STARD13: variants seen among roughly 807,000 people sequenced by gnomAD.
STARD13 encodes the protein stAR-related lipid transfer protein 13.
In STARD13, 62 loss-of-function variants were observed where a neutral mutation model predicts 106.4. The ratio of observed to expected loss-of-function variants is 0.58; its 90% CI spans 0.48 to 0.72. The LOEUF (loss-of-function observed/expected upper bound fraction) is 0.72. STARD13 is among the 30% of genes least tolerant of loss of function. The pLI is 0.00. For synonymous variants in STARD13, 565 were observed against 553.0 expected (o/e 1.02, Z -0.31); for missense variants, 1,387 against 1,424.0 (o/e 0.97, Z 0.42).
chr13:33,614,358 G>A, the STARD13 span, among the ~76,000 whole-genome samples: 1 of 149,954 alleles, frequency 6.7e-6, no homozygotes, highest in Non-Finnish European at 1.5e-5. Flanking sequence ...GCCAAATATT[G>A]CTATGTAAAA....
At chr13:33,381,804 G>A in the STARD13 span, among the ~76,000 whole-genome samples, 2 of 152,108 alleles carry the variant, frequency 1.3e-5, no homozygotes, top group Non-Finnish European at 2.9e-5. Flanking sequence ...ATATATTAAG[G>A]ATCTGCTTCT....
chr13:33,481,459 A>T, the STARD13 span, among the ~76,000 whole-genome samples: 1 of 152,236 alleles, frequency 6.6e-6, no homozygotes, highest in Non-Finnish European at 1.5e-5. Flanking sequence ...GTGCTTTTAG[A>T]TGCAACTATC....
chr13:33,123,856 C>T (rs935901987), intron 7 of STARD13, among the ~76,000 whole-genome samples: 3 of 152,194 alleles, frequency 2.0e-5, no homozygotes, highest in African/African-American at 7.2e-5. Context: ...GAAGCCTTCT[C>T]CCTGAGACTC....
intron 1 of STARD13, among the ~76,000 whole-genome samples, chr13:33,181,827 T>A (rs1885264042): frequency 2.6e-5 from 4 of 152,220 alleles, no homozygotes; most frequent in African/African-American, 9.6e-5. Context: ...AATCTTTCCC[T>A]TTCTCTCTGG....
At chr13:33,602,802 A>C in the STARD13 span, among the ~76,000 whole-genome samples, 1 of 152,176 alleles carries the variant, frequency 6.6e-6, no homozygotes, top group African/African-American at 2.4e-5. Flanking sequence ...GCATATGGGA[A>C]ATCTAGATTG....
At chr13:33,545,427 C>T in the STARD13 span, among the ~76,000 whole-genome samples, 1 of 152,226 alleles carries the variant, frequency 6.6e-6, no homozygotes, top group South Asian at 2.1e-4. Flanking sequence ...TTATTTTAAA[C>T]TTTATTGTAA....
the STARD13 span, among the ~76,000 whole-genome samples, chr13:33,402,777 G>A: frequency 3.9e-5 from 6 of 152,226 alleles, no homozygotes; most frequent in African/African-American, 1.2e-4. Context: ...AGAGAAGTTC[G>A]GCTGGGGGTG....
chr13:33,242,560 T>G (rs940162140), intron 1 of STARD13, among the ~76,000 whole-genome samples: 10 of 152,124 alleles, frequency 6.6e-5, no homozygotes, highest in African/African-American at 2.2e-4. Context: ...AGCATACTCC[T>G]TAAGAGTCAT....
chr13:33,175,721 A>T (rs1413280911), intron 1 of STARD13, among the ~76,000 whole-genome samples: 1 of 152,168 alleles, frequency 6.6e-6, no homozygotes. Flanking sequence ...TCCCACCACC[A>T]CTAGGAAGTC....
chr13:33,332,037 A>T (rs1051666980), intron 1 of STARD13, among the ~76,000 whole-genome samples: 5 of 152,092 alleles, frequency 3.3e-5, no homozygotes, highest in Admixed American at 6.5e-5. Flanking sequence ...TACATCATAA[A>T]CCAGGTGAAT....
intron 1 of STARD13, among the ~76,000 whole-genome samples, chr13:33,269,278 C>G (rs1244209489): frequency 1.3e-5 from 2 of 152,190 alleles, no homozygotes; most frequent in Non-Finnish European, 2.9e-5. Flanking sequence ...TCAAAACTAT[C>G]AAACAAAACT....
At chr13:33,650,295 A>T in the STARD13 span, among the ~76,000 whole-genome samples, 6 of 137,602 alleles carry the variant, frequency 4.4e-5, no homozygotes, top group African/African-American at 1.7e-4. Flanking sequence ...GGTTCACGCC[A>T]TTCTCCTGCC....
chr13:33,154,632 A>G (rs1205644268), intron 3 of STARD13, among the ~76,000 whole-genome samples: 1 of 152,218 alleles, frequency 6.6e-6, no homozygotes, highest in African/African-American at 2.4e-5. Flanking sequence ...AAACAAAAAA[A>G]AAGTCCAGGT....
At chr13:33,253,031 C>T (rs575577781) in intron 1 of STARD13, among the ~76,000 whole-genome samples, 64 of 152,280 alleles carry the variant, frequency 4.2e-4, no homozygotes, top group African/African-American at 1.5e-3. Context: ...AAAAAGGTCA[C>T]CACCAAACAA....
chr13:33,521,778 T>C, the STARD13 span, among the ~76,000 whole-genome samples: 1 of 152,092 alleles, frequency 6.6e-6, no homozygotes, highest in Non-Finnish European at 1.5e-5. Flanking sequence ...AGTTATTCTG[T>C]CCCTATCATG....
the STARD13 span, among the ~76,000 whole-genome samples, chr13:33,447,938 C>T: frequency 2.0e-5 from 3 of 152,088 alleles, no homozygotes; most frequent in South Asian, 2.1e-4. Context: ...AGATAATAAG[C>T]ACAATTAATT....
chr13:33,560,192 T>C, the STARD13 span, among the ~76,000 whole-genome samples: 4 of 151,574 alleles, frequency 2.6e-5, no homozygotes, highest in Non-Finnish European at 1.5e-5. Flanking sequence ...CCCCACACTA[T>C]TGTCTTATAC....
At chr13:33,478,160 G>A in the STARD13 span, among the ~76,000 whole-genome samples, 1 of 152,124 alleles carries the variant, frequency 6.6e-6, no homozygotes, top group African/African-American at 2.4e-5. Flanking sequence ...TGGGGAGATG[G>A]ATCTGAGACT....
the STARD13 span, among the ~76,000 whole-genome samples, chr13:33,402,931 G>A: frequency 4.6e-5 from 7 of 152,170 alleles, no homozygotes; most frequent in Non-Finnish European, 7.3e-5. Flanking sequence ...CTTCAAGCCC[G>A]TGTGTGAACC....
Sources: gnomAD v4.1 joint callset for allele counts (sites outside exome capture counted in the v4.1 genomes callset) on GRCh38, gnomAD v4.1.1 for gene constraint, MANE v1.5 for transcripts, NCBI Gene and HGNC (gene_info 2026-07-23, HGNC 2026-07-21) for gene names.